Variants in S1PR3 observed in about 807,000 individuals in gnomAD.
The protein encoded by S1PR3 is sphingosine 1-phosphate receptor 3.
A neutral mutation model predicts 13.3 loss-of-function variants in S1PR3; 12 were observed. The observed-to-expected ratio is 0.90, with a 90% CI of 0.58 to 1.46. The LOEUF (loss-of-function observed/expected upper bound fraction) is 1.46, where lower values mean the gene tolerates loss of function less well. Ranked by LOEUF, S1PR3 falls within the 40% of genes most tolerant of loss-of-function variation. The pLI is 0.00. For missense variants in S1PR3, 450 were observed against 501.9 expected, an observed-to-expected ratio of 0.90 and a Z score of 0.99; for synonymous variants, 232 against 214.0, an observed-to-expected ratio of 1.08 and a Z score of -0.73.
At chr9:88,991,077 C>G (rs1352808859), upstream of S1PR3, 3 of 1,613,402 alleles carry the variant, frequency 1.9e-6, no homozygotes, top group African/African-American at 2.7e-5. The surrounding 1 kb of genome is among the most constrained non-coding windows in gnomAD (Gnocchi z 4.0). Context: ...GCTGTCAGGG[C>G]GACAGGCGCC....
Position 89,003,151 on chromosome 9 carries a change from G to C in S1PR3, c.*814G>C, listed in dbSNP as rs1004101673. On this transcript the variant is annotated 3_prime_UTR_variant, in exon 2 of 2. Transcript: ENST00000358157. ...ACCCAGGAGCTTGTGCCCCCAGATG[G>C]GCCAAAGAAAGAGCCTATGAAGGAG... 7.8e-5 allele frequency: 13 copies of C among 167,082 alleles called. No homozygotes were observed. The highest frequency in any genetic ancestry group is 3.1e-4 in the African/African-American group (13 of 41,442). The allele number at this position is 167,082 out of a possible 1,614,324, so 10.3% of individuals were successfully genotyped here.
At position 88,991,765 on chromosome 9, in the gene S1PR3, A is replaced by T; in HGVS notation, c.-148+70A>T. On this transcript the variant is annotated intron_variant, in intron 1 of 1. Transcript: ENST00000358157. This position sits in a 1 kb window ranked among gnomAD's most constrained non-coding sequence, Gnocchi z 4.0. ...TGGGGGCCGAAGGACCCACCTTTCC[A>T]ACAAAATCCCCACCGATCCCGGGCG... 6.4e-7 allele frequency: 1 copy of T among 1,565,520 alleles called. No individual in the cohort carries two copies. The highest frequency in any genetic ancestry group is 1.9e-5 in the Admixed American group (1 of 51,902).
intron 1 of S1PR3, chr9:88,997,431 G>A (rs1825816102): frequency 6.6e-6 from 1 of 152,192 alleles, no homozygotes; most frequent in Non-Finnish European, 1.5e-5. Flanking sequence ...CATGGCAAAA[G>A]CAAAGGTGTG....
At position 89,001,800 on chromosome 9, in the gene S1PR3, C is replaced by T. The variant is rs1587667590; in HGVS notation, c.600C>T (p.Cys200=). Residue 200 remains cysteine, a synonymous_variant, in exon 2 of 2, where the codon TGC becomes TGT. Transcript: ENST00000358157. ...ACTCCAAGAAGTACATTGCCTTCTG[C>T]ATCAGCATCTTCACGGCCATCCTGG... ...PLYSKKYIAF[C]ISIFTAILVT... 1 of 1,614,258 alleles carries T rather than the reference C, an allele frequency of 6.2e-7. No homozygotes were observed. The highest frequency in any genetic ancestry group is 2.2e-5 in the East Asian group (1 of 44,888).
At chr9:88,991,213 C>T (rs760866323), upstream of S1PR3, 28 of 1,575,730 alleles carry the variant, frequency 1.8e-5, no homozygotes, top group Non-Finnish European at 2.2e-5. The surrounding 1 kb of genome is among the most constrained non-coding windows in gnomAD (Gnocchi z 4.0). Context: ...GAACAGGGGC[C>T]GAAGGGCGAG....
intron 1 of S1PR3, chr9:89,000,484 A>G (rs1339870367): frequency 6.5e-6 from 1 of 153,384 alleles, no homozygotes; most frequent in African/African-American, 2.4e-5. Context: ...CGATGGCTGC[A>G]TGGTCAGGCC....
rs1825886872 is a variant in S1PR3 at position 89,002,773 on chromosome 9, G to A, written c.*436G>A. On this transcript the variant is annotated 3_prime_UTR_variant, in exon 2 of 2. Transcript: ENST00000358157. ...TATGTTACACAGAATTTGTGTTGCA[G>A]GTGTTTGCCATGTGGTACCTACATA... The A allele has an allele frequency of 4.7e-6, 1 of 213,816 alleles. No individual in the cohort carries two copies. Among genetic ancestry groups the A allele is most frequent in the Admixed American group, 5.2e-5 (1 of 19,136 alleles). The allele number at this position is 213,816 out of a possible 1,614,324, so 13.2% of individuals were successfully genotyped here.
In S1PR3 at chr9:89,002,026, A is replaced by T; in HGVS notation, c.826A>T (p.Ile276Phe). 6.2e-7 allele frequency: 1 copy of T among 1,613,890 alleles called. No homozygotes were observed. Among genetic ancestry groups the T allele is most frequent in the Non-Finnish European group, 8.5e-7 (1 of 1,179,996 alleles). The change falls in exon 2 of 2, where the codon ATC becomes TTC. Residue 276 changes from isoleucine to phenylalanine, a missense_variant. Coordinates refer to ENST00000358157, the MANE Select transcript of S1PR3 (RefSeq NM_005226.4). ...GGCCTGCAGGGTGCAGGCGTGCCCCATCCTCTTCAAGGCTCAGTGGTTCAT... is the reference window on the plus strand; with the variant it reads ...GGCCTGCAGGGTGCAGGCGTGCCCCTTCCTCTTCAAGGCTCAGTGGTTCAT... ...DVACRVQACP[I>F]LFKAQWFIVL... is the part of the protein sequence containing the mutation.
Position 89,002,649 on chromosome 9 carries a change from T to G in S1PR3, c.*312T>G. Reference sequence around the variant, plus strand: ...AGAGGGAAGGTCGTGGGCCACACAATGCTGTGTGACCCTCTCCGTGTGCCT... The same window carrying G: ...AGAGGGAAGGTCGTGGGCCACACAAGGCTGTGTGACCCTCTCCGTGTGCCT... On this transcript the variant is annotated 3_prime_UTR_variant, in exon 2 of 2. Transcript: ENST00000358157. 2.3e-6 allele frequency: 1 copy of G among 428,624 alleles called. No individual in the cohort carries two copies. Among genetic ancestry groups the G allele is most frequent in the East Asian group, 4.3e-5 (1 of 23,026 alleles). 26.6% of individuals were successfully genotyped at this position (428,624 alleles called of 1,614,324 possible). A position where few individuals can be genotyped will look rare whatever the true frequency, so the allele number is the denominator to read the frequency against.
In S1PR3 at chr9:89,002,059, G is replaced by T. The variant is rs1326210200; in HGVS notation, c.859G>T (p.Ala287Ser). Residue 287 changes from alanine (A) to serine (S), a missense_variant, in exon 2 of 2, where the codon GCT becomes TCT. Ala to Ser is a moderately conservative substitution (Grantham distance 99, BLOSUM62 1). Coordinates refer to ENST00000358157, the MANE Select transcript of S1PR3 (RefSeq NM_005226.4). ...LFKAQWFIVL[A>S]VLNSAMNPVI... ...CAAGGCTCAGTGGTTCATCGTGTTGGCTGTGCTCAACTCCGCCATGAACCC... is the reference window on the plus strand; with the variant it reads ...CAAGGCTCAGTGGTTCATCGTGTTGTCTGTGCTCAACTCCGCCATGAACCC... The T allele has an allele frequency of 9.3e-6, 15 of 1,614,038 alleles. No individual in the cohort carries two copies. The highest frequency in any genetic ancestry group is 1.3e-5 in the Non-Finnish European group (15 of 1,180,028).
chr9:89,002,278 C>T lies in S1PR3; in HGVS notation c.1078C>T (p.Pro360Ser), dbSNP rs769228519. The T allele has an allele frequency of 4.3e-6, 7 of 1,614,102 alleles. No homozygotes were observed. The highest frequency in any genetic ancestry group is 5.9e-6 in the Non-Finnish European group (7 of 1,180,032). Residue 360 changes from proline to serine, a missense_variant, in exon 2 of 2, where the codon CCC becomes TCC. Physicochemically the swap from Pro to Ser is moderately conservative, Grantham distance 74. Transcript: ENST00000358157. ...KVKEDLPHTA[P>S]SSCIMDKNAA... ...CAAGGAAGACCTGCCCCACACAGCC[C>T]CCTCATCCTGCATCATGGACAAGAA... is the stretch of plus-strand genomic sequence containing the variant.
intron 1 of S1PR3, chr9:88,994,636 C>A (rs1028931701): frequency 6.0e-6 from 1 of 165,932 alleles, no homozygotes; most frequent in African/African-American, 2.4e-5. Flanking sequence ...ATGGTGTTCA[C>A]GGAGGCAGAT....
chr9:89,000,839 C>T, intron 1 of S1PR3: 1 of 287,998 alleles, frequency 3.5e-6, no homozygotes, highest in Non-Finnish European at 6.6e-6. Context: ...ACTGAATTTC[C>T]CTTCCCGGCA....
upstream of S1PR3, chr9:88,991,408 G>C: frequency 1.3e-6 from 2 of 1,509,550 alleles, no homozygotes; most frequent in Non-Finnish European, 1.8e-6. The surrounding 1 kb of genome is among the most constrained non-coding windows in gnomAD (Gnocchi z 4.0). Flanking sequence ...GGGGAGGGGC[G>C]GAGCGCGGGT....
chr9:88,994,631 G>T, intron 1 of S1PR3: 1 of 166,110 alleles, frequency 6.0e-6, no homozygotes. Flanking sequence ...TCAGGATGGT[G>T]TTCACGGAGG....
upstream of S1PR3, chr9:88,991,145 G>T (rs746751572): frequency 1.9e-6 from 3 of 1,610,482 alleles, no homozygotes; most frequent in Non-Finnish European, 2.5e-6. This position sits in a 1 kb window ranked among gnomAD's most constrained non-coding sequence, Gnocchi z 4.0. Context: ...GTCTCTGGGC[G>T]CCCGGTTTCT....
intron 1 of S1PR3, chr9:88,999,584 C>T (rs1825844117): frequency 6.6e-6 from 1 of 152,196 alleles, no homozygotes; most frequent in African/African-American, 2.4e-5. Flanking sequence ...GTTCATGTGT[C>T]TCTGAAGCAA....
chr9:88,994,626 A>C (rs1825775240), intron 1 of S1PR3: 1 of 166,042 alleles, frequency 6.0e-6, no homozygotes, highest in Non-Finnish European at 1.5e-5. Context: ...GAAGCTCAGG[A>C]TGGTGTTCAC....
At position 89,002,349 on chromosome 9, in the gene S1PR3, C is replaced by A. The variant is rs372699188; in HGVS notation, c.*12C>A. 7.5e-5 allele frequency: 121 copies of A among 1,612,008 alleles called. 1 individual carries two copies. The South Asian group carries it at 1.3e-3, about 17-fold the overall frequency. ...TCTTCTGCAACTGATCGTCTCCATG[C>A]GCCCTGCTCTGCGGCTGTGTTCTTA... On this transcript the variant is annotated 3_prime_UTR_variant, in exon 2 of 2. Transcript: ENST00000358157.
Sources: gnomAD v4.1 joint callset for allele counts on GRCh38, gnomAD v4.1.1 for gene constraint, Gnocchi (gnomAD v3.1) non-coding constraint, MANE v1.5 for transcripts, NCBI Gene and HGNC (gene_info 2026-07-23, HGNC 2026-07-21) for gene names.